GNAO1: variants seen among roughly 807,000 people sequenced by gnomAD.
GNAO1 encodes guanine nucleotide-binding protein G(o) subunit alpha.
For missense variants in GNAO1, 166 were observed against 478.7 expected (o/e 0.35, Z 6.10); for synonymous variants, 164 against 180.7 (o/e 0.91, Z 0.74).
chr16:56,341,850 G>A (rs1420107699), intron 6 of GNAO1, among the ~76,000 whole-genome samples: 3 of 152,334 alleles, frequency 2.0e-5, no homozygotes, highest in African/African-American at 4.8e-5. Flanking sequence ...ACCCTGTCCA[G>A]AGAAGTGAGT....
chr16:56,250,408 C>T (rs1369486741), intron 2 of GNAO1, among the ~76,000 whole-genome samples: 2 of 152,176 alleles, frequency 1.3e-5, no homozygotes, highest in African/African-American at 2.4e-5. Context: ...TTCCTCTGAG[C>T]ACTTCCACTT....
At chr16:56,193,379 C>G (rs1379398822) in intron 2 of GNAO1, 7 of 153,878 alleles carry the variant, frequency 4.5e-5, no homozygotes, top group Admixed American at 1.3e-4. Flanking sequence ...CTCTCCTCCC[C>G]CACCCTCCCA....
chr16:56,321,059 G>T (rs1256364134), intron 3 of GNAO1, among the ~76,000 whole-genome samples: 1 of 152,192 alleles, frequency 6.6e-6, no homozygotes, highest in Non-Finnish European at 1.5e-5. Context: ...CTGTGCACGG[G>T]GTGTGGTCAG....
chr16:56,240,356 G>A (rs886202472), intron 2 of GNAO1, among the ~76,000 whole-genome samples: 24 of 152,132 alleles, frequency 1.6e-4, no homozygotes, highest in Admixed American at 6.5e-5. Context: ...CTGTTATTGG[G>A]CACCCGTGCT....
At chr16:56,348,119 T>G in intron 6 of GNAO1, 1 of 964,900 alleles carries the variant, frequency 1.0e-6, no homozygotes, top group Non-Finnish European at 1.2e-6. Flanking sequence ...TTAATAAATC[T>G]CTAGTTATTG....
chr16:56,352,043 C>G, intron 7 of GNAO1: 1 of 155,926 alleles, frequency 6.4e-6, no homozygotes, highest in African/African-American at 2.4e-5. Context: ...TCTGTGCAGC[C>G]GCCCAGCCAG....
intron 2 of GNAO1, among the ~76,000 whole-genome samples, chr16:56,213,936 G>C (rs1273500362): frequency 1.3e-5 from 2 of 152,072 alleles, no homozygotes; most frequent in African/African-American, 4.8e-5. Flanking sequence ...TCACAGACTC[G>C]TGTAGACCTG....
At chr16:56,234,968 C>T in intron 2 of GNAO1, 1 of 240,524 alleles carries the variant, frequency 4.2e-6, no homozygotes, top group Non-Finnish European at 8.2e-6. Flanking sequence ...TGTTCAGCCA[C>T]CAGCTGCCTG....
At chr16:56,273,162 A>G (rs2037033335) in intron 2 of GNAO1, among the ~76,000 whole-genome samples, 1 of 152,126 alleles carries the variant, frequency 6.6e-6, no homozygotes, top group Admixed American at 6.5e-5. Context: ...TATCCCTCCC[A>G]TCCTTTGTGC....
At chr16:56,324,606 C>T (rs2037612693) in intron 3 of GNAO1, among the ~76,000 whole-genome samples, 2 of 152,246 alleles carry the variant, frequency 1.3e-5, no homozygotes, top group South Asian at 4.1e-4. Context: ...CCTGCTCACC[C>T]ACCTGCTGCT....
At chr16:56,289,031 A>AG (rs2037202928) in intron 3 of GNAO1, among the ~76,000 whole-genome samples, 1 of 136,180 alleles carries the variant, frequency 7.3e-6, no homozygotes, top group East Asian at 2.0e-4. Flanking sequence ...TGTATCCAAA[A>AG]AAGGGGGGGG....
intron 3 of GNAO1, among the ~76,000 whole-genome samples, chr16:56,312,211 G>T (rs1161792086): frequency 4.6e-5 from 7 of 152,306 alleles, no homozygotes; most frequent in African/African-American, 1.4e-4. Context: ...GGAGTCAGGC[G>T]GCTGGCGTTC....
chr16:56,269,848 A>G (rs1461967804), intron 2 of GNAO1, among the ~76,000 whole-genome samples: 2 of 152,168 alleles, frequency 1.3e-5, no homozygotes, highest in Non-Finnish European at 2.9e-5. Context: ...AGAGGAGTCT[A>G]TGATTCAGAG....
chr16:56,317,986 C>T (rs1333072032), intron 3 of GNAO1, among the ~76,000 whole-genome samples: 1 of 152,202 alleles, frequency 6.6e-6, no homozygotes, highest in Non-Finnish European at 1.5e-5. Flanking sequence ...AGAGCCCCAG[C>T]CGCCAAATGC....
chr16:56,295,753 G>C (rs1277438422), intron 3 of GNAO1, among the ~76,000 whole-genome samples: 1 of 152,142 alleles, frequency 6.6e-6, no homozygotes, highest in Non-Finnish European at 1.5e-5. Context: ...CACCAAGGTG[G>C]TCTCCCTGCC....
chr16:56,309,324 C>T (rs2037431150), intron 3 of GNAO1, among the ~76,000 whole-genome samples: 1 of 152,158 alleles, frequency 6.6e-6, no homozygotes, highest in Non-Finnish European at 1.5e-5. Flanking sequence ...GGATGAGGCC[C>T]CAAGTTGGCT....
intron 3 of GNAO1, among the ~76,000 whole-genome samples, chr16:56,327,891 T>C (rs1190860200): frequency 6.6e-6 from 1 of 152,158 alleles, no homozygotes; most frequent in Non-Finnish European, 1.5e-5. Context: ...GAGCTTCCCC[T>C]GCCCCCAGAG....
chr16:56,350,523 T>C (rs1397687812), intron 6 of GNAO1, among the ~76,000 whole-genome samples: 1 of 152,204 alleles, frequency 6.6e-6, no homozygotes, highest in African/African-American at 2.4e-5. Context: ...CCGTTCGGCA[T>C]CTGTGGGGCG....
intron 2 of GNAO1, chr16:56,194,242 T>C: frequency 2.2e-6 from 1 of 456,630 alleles, no homozygotes; most frequent in Non-Finnish European, 4.4e-6. Context: ...TTGGGGCTTC[T>C]CTTGAGCTTG....
Sources: gnomAD v4.1 joint callset for allele counts (sites outside exome capture counted in the v4.1 genomes callset) on GRCh38, gnomAD v4.1.1 for gene constraint, MANE v1.5 for transcripts, NCBI Gene and HGNC (gene_info 2026-07-23, HGNC 2026-07-21) for gene names.